The following ENPEP variants were observed in gnomAD, a reference collection of about 807,000 sequenced individuals.
ENPEP encodes AP-A.
In ENPEP, 103 loss-of-function variants were observed where a neutral mutation model predicts 114.5. That is an observed-to-expected ratio of 0.90 (90% CI 0.77 to 1.06). The LOEUF is 1.06. Ranked by LOEUF, ENPEP falls within the 50% of genes least tolerant of loss-of-function variation. ENPEP has a pLI of 0.00. For missense variants in ENPEP, 1,196 were observed against 1,161.3 expected, an observed-to-expected ratio of 1.03 and a Z score of -0.43; for synonymous variants, 420 against 422.0, an observed-to-expected ratio of 1.00 and a Z score of 0.06.
chr4:110,493,969 G>C (rs568835275), intron 3 of ENPEP, among the ~76,000 whole-genome samples: 1 of 152,260 alleles, frequency 6.6e-6, no homozygotes, highest in Admixed American at 6.5e-5. Context: ...AACACCGTGG[G>C]AGTAAATAGT....
chr4:110,565,145 T>C lies in ENPEP; in HGVS notation c.*3587T>C, dbSNP rs970002789. On this transcript the variant is annotated 3_prime_UTR_variant, in exon 20 of 20. Transcript: ENST00000265162. ...TAGCGACCTTTTGCCTGCCTGTTTT[T>C]GTAAGGCCTGAAAGCTAAACATAGT... The C allele has an allele frequency of 2.6e-5, 4 of 152,224 alleles. No homozygotes were observed. Among genetic ancestry groups the C allele is most frequent in the African/African-American group, 9.6e-5 (4 of 41,464 alleles). The allele number at this position is 152,224 out of a possible 1,614,324, so 9.4% of individuals were successfully genotyped here. A position where few individuals can be genotyped will look rare whatever the true frequency, so the allele number is the denominator to read the frequency against.
intron 8 of ENPEP, chr4:110,515,873 T>G (rs748374577): frequency 1.3e-5 from 6 of 454,596 alleles, no homozygotes; most frequent in South Asian, 9.4e-5. Context: ...CTTCCCACTG[T>G]GTCCTCATAG....
intron 18 of ENPEP, 109 bp downstream of exon 18, chr4:110,553,564 G>A (rs927820071): frequency 6.5e-5 from 69 of 1,056,636 alleles, no homozygotes; most frequent in Admixed American, 2.6e-5. Flanking sequence ...TATCTAAAAT[G>A]GCATTATTAG....
At chr4:110,509,575 A>T in intron 4 of ENPEP, 78 bp from the exon 5 acceptor site, 1 of 1,510,406 alleles carries the variant, frequency 6.6e-7, no homozygotes, top group Non-Finnish European at 8.9e-7. Flanking sequence ...CATTCATCCA[A>T]ATAACTTAAT....
At chr4:110,559,971 G>A (rs1323009156) in intron 19 of ENPEP, among the ~76,000 whole-genome samples, 2 of 152,066 alleles carry the variant, frequency 1.3e-5, no homozygotes, top group Admixed American at 6.6e-5. Flanking sequence ...AGGCCCTGGT[G>A]TGTGATGTTC....
chr4:110,507,373 A>AT (rs1725410421), intron 4 of ENPEP, among the ~76,000 whole-genome samples: 1 of 152,260 alleles, frequency 6.6e-6, no homozygotes. Flanking sequence ...GAAATGCTTT[A>AT]TTAATAAGCT....
At chr4:110,554,189 G>A (rs1727390984) in intron 18 of ENPEP, among the ~76,000 whole-genome samples, 1 of 151,918 alleles carries the variant, frequency 6.6e-6, no homozygotes, top group Non-Finnish European at 1.5e-5. Context: ...TTGATGAAAA[G>A]ACCTTTACCA....
Position 110,559,781 on chromosome 4 carries a change from T to A in ENPEP, c.2721+56T>A, listed in dbSNP as rs181699517. ...AAGAAGGAGCAGAATGAAACTTTTT[T>A]AAAAAAAATTTTACTTTAAGTTCTG... is the stretch of plus-strand genomic sequence containing the variant. On this transcript the variant is annotated intron_variant, in intron 19 of 19. Transcript: ENST00000265162. The A allele has an allele frequency of 2.4e-3, 3,462 of 1,440,946 alleles. 77 individuals are homozygous for A. The African/African-American group carries it at 0.041, about 17-fold the overall frequency. The allele number at this position is 1,440,946 out of a possible 1,614,324, so 89.3% of individuals were successfully genotyped here.
At chr4:110,494,163 A>C (rs1724838370) in intron 3 of ENPEP, among the ~76,000 whole-genome samples, 1 of 152,240 alleles carries the variant, frequency 6.6e-6, no homozygotes, top group South Asian at 2.1e-4. Context: ...TTTCCAAAGC[A>C]TGGCTTGGGT....
chr4:110,530,451 C>A (rs769611349), intron 10 of ENPEP, among the ~76,000 whole-genome samples: 3 of 152,136 alleles, frequency 2.0e-5, no homozygotes, highest in Non-Finnish European at 2.9e-5. Flanking sequence ...CGTAGATTCA[C>A]CTTCTCTCCA....
intron 11 of ENPEP, among the ~76,000 whole-genome samples, chr4:110,535,469 G>C (rs1458895072): frequency 2.6e-5 from 4 of 152,290 alleles, no homozygotes; most frequent in African/African-American, 7.2e-5. Flanking sequence ...TGCAAGCTTT[G>C]ATTGGATGAT....
intron 3 of ENPEP, among the ~76,000 whole-genome samples, chr4:110,504,914 C>T (rs961111255): frequency 3.9e-5 from 6 of 152,196 alleles, no homozygotes; most frequent in Admixed American, 1.3e-4. Flanking sequence ...TTTTACAATT[C>T]TCTTTCGCTC....
At chr4:110,487,898 TAA>T (rs907322707) in intron 1 of ENPEP, among the ~76,000 whole-genome samples, 1 of 151,268 alleles carries the variant, frequency 6.6e-6, no homozygotes, top group Non-Finnish European at 1.5e-5. Flanking sequence ...GTTAGAGCCA[TAA>T]AAAAAAATGC....
chr4:110,492,531 T>C (rs953471877), intron 3 of ENPEP, among the ~76,000 whole-genome samples: 2 of 152,156 alleles, frequency 1.3e-5, no homozygotes, highest in Non-Finnish European at 2.9e-5. Context: ...ATACAAATTA[T>C]AGCGAGTGGG....
intron 1 of ENPEP, among the ~76,000 whole-genome samples, chr4:110,479,912 A>G (rs556474000): frequency 1.3e-5 from 2 of 152,326 alleles, no homozygotes; most frequent in African/African-American, 4.8e-5. Flanking sequence ...ATAAGTTTCT[A>G]TTATGTACTT....
chr4:110,477,186 T>G, intron 1 of ENPEP, 128 bp downstream of exon 1: 1 of 1,325,134 alleles, frequency 7.5e-7, no homozygotes, highest in Non-Finnish European at 1.0e-6. Context: ...TTGGTTTCAA[T>G]TCTGGCTGTC....
At chr4:110,558,043 T>TTTTTTTTTC (rs1727542637) in intron 18 of ENPEP, among the ~76,000 whole-genome samples, 1 of 146,342 alleles carries the variant, frequency 6.8e-6, no homozygotes, top group Non-Finnish European at 1.5e-5. Flanking sequence ...TTTTTTTTTT[T>TTTTTTTTTC]TTTTGTATAA....
At chr4:110,535,079 T>A (rs1726561260) in intron 11 of ENPEP, among the ~76,000 whole-genome samples, 1 of 152,236 alleles carries the variant, frequency 6.6e-6, no homozygotes, top group African/African-American at 2.4e-5. Flanking sequence ...CCTGTTTGCA[T>A]TTAATTTACT....
At chr4:110,545,781 T>C (rs1727031888) in intron 13 of ENPEP, among the ~76,000 whole-genome samples, 1 of 152,020 alleles carries the variant, frequency 6.6e-6, no homozygotes, top group African/African-American at 2.4e-5. Flanking sequence ...GGTGGGCAGG[T>C]GGACACTTCT....
Sources: gnomAD v4.1 joint callset for allele counts (sites outside exome capture counted in the v4.1 genomes callset) on GRCh38, gnomAD v4.1.1 for gene constraint, MANE v1.5 for transcripts, NCBI Gene and HGNC (gene_info 2026-07-23, HGNC 2026-07-21) for gene names.